CREBZF: variants seen among roughly 807,000 people sequenced by gnomAD.
CREBZF encodes the protein CREB/ATF bZIP transcription factor.
CREBZF carries 8 observed loss-of-function variants against 21.1 expected under a neutral mutation model. That is an observed-to-expected ratio of 0.38 (90% CI 0.22 to 0.68). The LOEUF (loss-of-function observed/expected upper bound fraction) is 0.68, where lower values mean the gene tolerates loss of function less well. CREBZF is among the 30% of genes least tolerant of loss of function. The pLI is 0.51. For synonymous variants in CREBZF, 270 were observed against 223.3 expected (o/e 1.21, Z -1.86); for missense variants, 518 against 484.3 (o/e 1.07, Z -0.65).
intron 1 of CREBZF, among the ~76,000 whole-genome samples, chr11:85,679,014 T>G (rs548335646): frequency 6.6e-6 from 1 of 152,328 alleles, no homozygotes; most frequent in Non-Finnish European, 1.5e-5. Context: ...AAGGTAAATG[T>G]GGATGTGAGC....
At chr11:85,682,005 G>A (rs936551133) in intron 1 of CREBZF, among the ~76,000 whole-genome samples, 5 of 152,182 alleles carry the variant, frequency 3.3e-5, no homozygotes, top group Admixed American at 6.5e-5. Context: ...CCAGAAAACA[G>A]GCCCAGCTAC....
In CREBZF at chr11:85,664,774, G is replaced by C. The variant is rs907866559; in HGVS notation, c.102C>G (p.Asp34Glu). The C allele has an allele frequency of 6.3e-7, 1 of 1,595,018 alleles. No homozygotes were observed. The highest frequency in any genetic ancestry group is 1.4e-5 in the African/African-American group (1 of 73,924). Residue 34 changes from aspartate to glutamate, a missense_variant, in exon 1 of 1, where the codon GAC becomes GAG. This residue lies in a region of CREBZF where 396 missense variants were observed against 324.4 expected (regional missense o/e 1.22). Coordinates refer to ENST00000527447, the MANE Select transcript of CREBZF (RefSeq NM_001039618.4). This position sits in a 1 kb window ranked among gnomAD's most constrained non-coding sequence, Gnocchi z 5.5. ...EPAATCSLPS[D>E]LTRAAAGEEE... Reference sequence around the variant, plus strand: ...CCTCCCCCGCTGCAGCCCGGGTCAGGTCAGAGGGCAGCGAACAAGTTGCAG... The same window carrying C: ...CCTCCCCCGCTGCAGCCCGGGTCAGCTCAGAGGGCAGCGAACAAGTTGCAG...
chr11:85,678,492 G>T (rs1185346108), intron 1 of CREBZF, among the ~76,000 whole-genome samples: 1 of 151,730 alleles, frequency 6.6e-6, no homozygotes, highest in Non-Finnish European at 1.5e-5. Flanking sequence ...TTTCTCCCTA[G>T]CAACATTAAC....
chr11:85,670,662 A>G (rs2082905992), intron 1 of CREBZF, among the ~76,000 whole-genome samples: 1 of 152,206 alleles, frequency 6.6e-6, no homozygotes, highest in Non-Finnish European at 1.5e-5. Context: ...TCATCCCCTG[A>G]GACATGCATA....
intron 1 of CREBZF, among the ~76,000 whole-genome samples, chr11:85,674,786 ACTTGCTGCTTCAC>A (rs1318994528): frequency 6.6e-6 from 1 of 152,242 alleles, no homozygotes; most frequent in African/African-American, 2.4e-5. Flanking sequence ...CTCCATCAGC[ACTTGCTGCTTCAC>A]CTTGCCCTTC....
At chr11:85,677,415 A>T (rs1162151836) in intron 1 of CREBZF, among the ~76,000 whole-genome samples, 6 of 152,206 alleles carry the variant, frequency 3.9e-5, no homozygotes. Context: ...AATTCTACAC[A>T]TTCCAGTTGG....
chr11:85,672,398 A>C (rs2082918180), intron 1 of CREBZF, among the ~76,000 whole-genome samples: 2 of 152,242 alleles, frequency 1.3e-5, no homozygotes, highest in Admixed American at 1.3e-4. Flanking sequence ...TTCGTTACTT[A>C]TGCAAATTTC....
rs1384861453 is a variant in CREBZF at position 85,663,468 on chromosome 11, ATTAAAG to A, written c.*337_*342del. On this transcript the variant is annotated 3_prime_UTR_variant, in exon 1 of 1. Transcript: ENST00000527447. ...ACACACACAAACTGAGATGTTGCCCATTAAAGTAGACAAAGCAGCAGAGCATGAGCG... is the reference window on the plus strand; with the variant it reads ...ACACACACAAACTGAGATGTTGCCCATAGACAAAGCAGCAGAGCATGAGCG... The A allele has an allele frequency of 6.4e-6, 5 of 782,154 alleles. No homozygotes were observed. The highest frequency in any genetic ancestry group is 2.1e-5 in the Admixed American group (1 of 48,662). The allele number at this position is 782,154 out of a possible 1,614,324, so 48.5% of individuals were successfully genotyped here. A position where few individuals can be genotyped will look rare whatever the true frequency, so the allele number is the denominator to read the frequency against.
chr11:85,668,057 C>T (rs535471857), upstream of CREBZF, among the ~76,000 whole-genome samples: 150 of 152,006 alleles, frequency 9.9e-4, no homozygotes, highest in Non-Finnish European at 1.9e-3. Context: ...TTCTTACATA[C>T]ACTTGGATCT....
chr11:85,666,508 G>C (rs143788235), upstream of CREBZF, among the ~76,000 whole-genome samples: 336 of 152,286 alleles, frequency 2.2e-3, 1 homozygote, highest in African/African-American at 7.7e-3. Flanking sequence ...CTTTGTTCAT[G>C]AGTAAAATAT....
In CREBZF at chr11:85,663,641, G is replaced by A; in HGVS notation, c.*170C>T. The A allele has an allele frequency of 6.3e-7, 1 of 1,590,904 alleles. No homozygotes were observed. On this transcript the variant is annotated 3_prime_UTR_variant, in exon 1 of 1. Transcript: ENST00000527447. ...TAATAGTCACATGTTATCATTAGGA[G>A]TTGGTTACTGTGTCACATTCATGCT...
chr11:85,660,668 C>G lies in CREBZF; in HGVS notation c.*3143G>C, dbSNP rs1163368722. ...GCACAAATATTTAAAATATTTTGAA[C>G]ACTTCTTGTTGGATTATATCAGAGG... On this transcript the variant is annotated 3_prime_UTR_variant, in exon 1 of 1. Transcript: ENST00000527447. 2.2e-6 allele frequency: 1 copy of G among 447,758 alleles called. No individual in the cohort carries two copies. Among genetic ancestry groups the G allele is most frequent in the Non-Finnish European group, 4.5e-6 (1 of 223,992 alleles). 27.7% of individuals were successfully genotyped at this position (447,758 alleles called of 1,614,324 possible).
At chr11:85,674,671 T>G (rs887395024) in intron 1 of CREBZF, among the ~76,000 whole-genome samples, 3 of 152,230 alleles carry the variant, frequency 2.0e-5, no homozygotes, top group Non-Finnish European at 2.9e-5. Context: ...GAGGGCATCT[T>G]CTTCCAATAA....
At chr11:85,669,116 CA>C (rs1450109352), upstream of CREBZF, among the ~76,000 whole-genome samples, 1 of 146,996 alleles carries the variant, frequency 6.8e-6, no homozygotes, top group African/African-American at 2.5e-5. Flanking sequence ...TGACTTGCAG[CA>C]TGTGTCAGGA....
At chr11:85,682,467 C>G (rs1186784622) in intron 1 of CREBZF, among the ~76,000 whole-genome samples, 1 of 152,146 alleles carries the variant, frequency 6.6e-6, no homozygotes, top group Non-Finnish European at 1.5e-5. Flanking sequence ...CTTAGGATCT[C>G]CAAAACGGCA....
At chr11:85,678,384 A>T (rs1225532397) in intron 1 of CREBZF, among the ~76,000 whole-genome samples, 1 of 152,150 alleles carries the variant, frequency 6.6e-6, no homozygotes. Context: ...TTTAACAGAA[A>T]AACTGTCAGG....
chr11:85,665,057 G>T lies in CREBZF; in HGVS notation c.-182C>A. 1 of 444,550 alleles carries T rather than the reference G, an allele frequency of 2.2e-6. No individual in the cohort carries two copies. The allele number at this position is 444,550 out of a possible 1,614,324, so 27.5% of individuals were successfully genotyped here. A position where few individuals can be genotyped will look rare whatever the true frequency, so the allele number is the denominator to read the frequency against. On this transcript the variant is annotated 5_prime_UTR_variant, in exon 1 of 1. Coordinates refer to ENST00000527447, the MANE Select transcript of CREBZF (RefSeq NM_001039618.4). The stretch of plus-strand genomic sequence containing the variant: ...CCCCCCGCGCCAAGGCGCGGGGAGG[G>T]ACGGGAGAACGAAGCGGTGAGGCCC...
In CREBZF at chr11:85,664,265, T is replaced by C. The variant is rs771206340; in HGVS notation, c.611A>G (p.Gln204Arg). The C allele has an allele frequency of 2.5e-5, 40 of 1,612,648 alleles. No homozygotes were observed. The highest frequency in any genetic ancestry group is 2.7e-5 in the Non-Finnish European group (32 of 1,179,814). ...CTTCCGGGGACTCTTTGTCGCCGCC[T>C]GGTTGTTGTCGTTACCGCTGCCGCC... ...GGGGSGNDNNQAATKSPRKAA... is the reference protein window; with the variant it reads ...GGGGSGNDNNRAATKSPRKAA... Residue 204 changes from glutamine to arginine, a missense_variant, in exon 1 of 1, where the codon CAG becomes CGG. Coordinates refer to ENST00000527447, the MANE Select transcript of CREBZF (RefSeq NM_001039618.4). The surrounding 1 kb of genome is among the most constrained non-coding windows in gnomAD (Gnocchi z 5.5).
chr11:85,680,762 C>T (rs2082971489), intron 1 of CREBZF, among the ~76,000 whole-genome samples: 1 of 152,226 alleles, frequency 6.6e-6, no homozygotes, highest in African/African-American at 2.4e-5. Flanking sequence ...TTATTCTCAG[C>T]CACTTCCCCA....
Sources: gnomAD v4.1 joint callset for allele counts (sites outside exome capture counted in the v4.1 genomes callset) on GRCh38, gnomAD v4.1.1 for gene constraint, gnomAD v4.1.1 regional missense constraint, Gnocchi (gnomAD v3.1) non-coding constraint, MANE v1.5 for transcripts, NCBI Gene and HGNC (gene_info 2026-07-23, HGNC 2026-07-21) for gene names.